Variants in ADAMTS3 observed in about 807,000 individuals in gnomAD.
ADAMTS3 encodes the protein A disintegrin and metalloproteinase with thrombospondin motifs 3.
A neutral mutation model predicts 129.0 loss-of-function variants in ADAMTS3; 73 were observed. That is an observed-to-expected ratio of 0.57 (90% confidence interval 0.47 to 0.69). The LOEUF (loss-of-function observed/expected upper bound fraction) is 0.69, where lower values mean the gene tolerates loss of function less well. Among genes scored for constraint, ADAMTS3 ranks in the 30% least tolerant of loss-of-function variants. ADAMTS3 has a pLI of 0.00. For synonymous variants in ADAMTS3, 477 were observed against 510.8 expected, an observed-to-expected ratio of 0.93 and a Z score of 0.89; for missense variants, 1,457 against 1,514.5, an observed-to-expected ratio of 0.96 and a Z score of 0.63.
intron 4 of ADAMTS3, among the ~76,000 whole-genome samples, chr4:72,362,359 C>A (rs76564854): frequency 0.014 from 2,170 of 152,216 alleles, 55 homozygotes; most frequent in African/African-American, 0.05. Flanking sequence ...AGACAGTCTT[C>A]CTAAGGACTC....
chr4:72,465,453 G>A (rs140570914), intron 3 of ADAMTS3, among the ~76,000 whole-genome samples: 3 of 152,132 alleles, frequency 2.0e-5, no homozygotes, highest in Non-Finnish European at 4.4e-5. Flanking sequence ...TATTCTGACA[G>A]TGATAGGAGG....
intron 3 of ADAMTS3, among the ~76,000 whole-genome samples, chr4:72,429,219 G>A (rs533890954): frequency 1.3e-5 from 2 of 152,062 alleles, no homozygotes; most frequent in East Asian, 3.9e-4. Context: ...ACTATTTAAA[G>A]AAAACATGAA....
intron 4 of ADAMTS3, among the ~76,000 whole-genome samples, chr4:72,364,634 A>T (rs1411862124): frequency 6.6e-6 from 1 of 152,084 alleles, no homozygotes; most frequent in South Asian, 2.1e-4. Context: ...AAAATCAATA[A>T]ATGTTGTTCA....
intron 3 of ADAMTS3, among the ~76,000 whole-genome samples, chr4:72,482,467 A>G (rs566567450): frequency 2.6e-5 from 4 of 152,122 alleles, no homozygotes; most frequent in Non-Finnish European, 5.9e-5. Flanking sequence ...AATGACAAAA[A>G]TGGAAATGAA....
chr4:72,454,930 T>C (rs565232951), intron 3 of ADAMTS3, among the ~76,000 whole-genome samples: 9 of 151,848 alleles, frequency 5.9e-5, no homozygotes, highest in South Asian at 2.1e-4. Context: ...TAATTCAACA[T>C]CATAATGAAC....
At position 72,332,822 on chromosome 4, in the gene ADAMTS3, T is replaced by C. The variant is rs989967344; in HGVS notation, c.861+6672A>G. Among the ~76,000 whole-genome samples the C allele has an allele frequency of 2.0e-5, 3 of 152,204 alleles. No individual in the cohort carries two copies. In the East Asian group the frequency reaches 5.8e-4, roughly 29 times the overall value. On this transcript the variant is annotated intron_variant, in intron 5 of 21. Coordinates refer to ENST00000286657, the MANE Select transcript of ADAMTS3 (RefSeq NM_014243.3). ...TGCTAACTAGTTTGATTCAATCAGG[T>C]AACTAACTGAATTCTCATTTCAATG...
chr4:72,432,194 C>T (rs1722717756), intron 3 of ADAMTS3, among the ~76,000 whole-genome samples: 1 of 151,850 alleles, frequency 6.6e-6, no homozygotes, highest in Non-Finnish European at 1.5e-5. Context: ...GTCCAGATTC[C>T]AGCCAAGGTG....
intron 4 of ADAMTS3, among the ~76,000 whole-genome samples, chr4:72,389,886 A>C (rs946039749): frequency 3.3e-5 from 5 of 152,218 alleles, no homozygotes; most frequent in African/African-American, 1.2e-4. Flanking sequence ...ATAGTTGTTT[A>C]GCTTACAATT....
At chr4:72,436,076 A>T (rs1428463731) in intron 3 of ADAMTS3, among the ~76,000 whole-genome samples, 1 of 152,048 alleles carries the variant, frequency 6.6e-6, no homozygotes, top group Non-Finnish European at 1.5e-5. Flanking sequence ...AACCTACAGA[A>T]TGGGAGAAAA....
intron 3 of ADAMTS3, among the ~76,000 whole-genome samples, chr4:72,458,370 G>A (rs1718679654): frequency 6.6e-6 from 1 of 151,286 alleles, no homozygotes; most frequent in African/African-American, 2.4e-5. Context: ...TAAAAAAAAA[G>A]TCCATGTCAT....
intron 4 of ADAMTS3, among the ~76,000 whole-genome samples, chr4:72,348,381 A>G (rs542195764): frequency 6.6e-6 from 1 of 152,172 alleles, no homozygotes; most frequent in African/African-American, 2.4e-5. Flanking sequence ...GTTATATTTG[A>G]CTCAGATATA....
At chr4:72,364,051 G>A (rs1720800373) in intron 4 of ADAMTS3, among the ~76,000 whole-genome samples, 2 of 152,070 alleles carry the variant, frequency 1.3e-5, no homozygotes, top group African/African-American at 4.8e-5. Flanking sequence ...TGCATAAGTA[G>A]AATTAGCCCA....
chr4:72,542,094 T>G (rs1028154191), intron 3 of ADAMTS3, among the ~76,000 whole-genome samples: 2 of 152,226 alleles, frequency 1.3e-5, no homozygotes, highest in African/African-American at 4.8e-5. Context: ...ATGAACAAAC[T>G]AATACATGTA....
At chr4:72,373,993 TAGGCAC>T (rs1721079412) in intron 4 of ADAMTS3, among the ~76,000 whole-genome samples, 1 of 151,432 alleles carries the variant, frequency 6.6e-6, no homozygotes, top group Non-Finnish European at 1.5e-5. Flanking sequence ...GGTATTAATC[TAGGCAC>T]AGGCACTCTA....
chr4:72,366,737 A>C (rs972582473), intron 4 of ADAMTS3, among the ~76,000 whole-genome samples: 1 of 151,608 alleles, frequency 6.6e-6, no homozygotes, highest in Non-Finnish European at 1.5e-5. Context: ...TTGCATCCTC[A>C]TGAAGAAATT....
intron 4 of ADAMTS3, among the ~76,000 whole-genome samples, chr4:72,396,174 G>A (rs1442706099): frequency 6.6e-6 from 1 of 152,144 alleles, no homozygotes; most frequent in African/African-American, 2.4e-5. Context: ...AACTGGTGGA[G>A]GGTTAGAAAC....
At chr4:72,312,201 G>C in intron 13 of ADAMTS3, 90 bp downstream of exon 13, 1 of 1,418,822 alleles carries the variant, frequency 7.0e-7, no homozygotes, top group Non-Finnish European at 9.8e-7. Context: ...TTACCACATA[G>C]GGATCAAGAG....
chr4:72,322,354 T>G lies in ADAMTS3; in HGVS notation c.945+660A>C, dbSNP rs772340695. ...GGAGAGAGATGTGTAATTTTAAACA[T>G]CAAGAAAGTTGTCAGGCTAGTCGTT... On this transcript the variant is annotated intron_variant, in intron 6 of 21. Transcript: ENST00000286657. 2.5e-4 allele frequency among the ~76,000 whole-genome samples: 38 copies of G among 152,186 alleles called. 1 individual carries two copies. Among genetic ancestry groups the G allele is most frequent in the Non-Finnish European group, 5.0e-4 (34 of 68,038 alleles).
intron 3 of ADAMTS3, among the ~76,000 whole-genome samples, chr4:72,536,858 G>A (rs542504396): frequency 2.0e-5 from 3 of 152,098 alleles, no homozygotes; most frequent in East Asian, 3.9e-4. Flanking sequence ...GCCACTATTC[G>A]TTTTCATTCA....
Sources: gnomAD v4.1 joint callset for allele counts (sites outside exome capture counted in the v4.1 genomes callset) on GRCh38, gnomAD v4.1.1 for gene constraint, MANE v1.5 for transcripts, NCBI Gene and HGNC (gene_info 2026-07-23, HGNC 2026-07-21) for gene names.